MARCHF7: variants seen among roughly 807,000 people sequenced by gnomAD.
MARCHF7 encodes membrane associated ring-CH-type finger 7, also known as E3 ubiquitin-protein ligase MARCHF7.
Under a neutral mutation model 76.5 loss-of-function variants are expected in MARCHF7, and 20 were observed. That is an observed-to-expected ratio of 0.26 (90% confidence interval 0.18 to 0.38). MARCHF7 has a LOEUF of 0.38. Among genes scored for constraint, MARCHF7 ranks in the 10% least tolerant of loss-of-function variants. MARCHF7 has a pLI of 1.00. For synonymous variants in MARCHF7, 295 were observed against 293.0 expected (o/e 1.01, Z -0.07); for missense variants, 797 against 812.9 (o/e 0.98, Z 0.24).
At chr2:159,718,513 A>G (rs771016849) in intron 3 of MARCHF7, among the ~76,000 whole-genome samples, 2 of 152,126 alleles carry the variant, frequency 1.3e-5, no homozygotes, top group Non-Finnish European at 2.9e-5. Flanking sequence ...TAATAATGGG[A>G]CACAGTGATC....
rs1274554392 is a variant in MARCHF7, at chr2:159,768,034, T to C, written c.*692T>C. 6.6e-6 allele frequency: 1 copy of C among 152,582 alleles called. No homozygotes were observed. Among genetic ancestry groups the C allele is most frequent in the Non-Finnish European group, 1.5e-5 (1 of 67,978 alleles). The allele number at this position is 152,582 out of a possible 1,614,324, so 9.5% of individuals were successfully genotyped here. On this transcript the variant is annotated 3_prime_UTR_variant, in exon 12 of 12. Coordinates refer to ENST00000409175, the MANE Select transcript of MARCHF7 (RefSeq NM_001282805.2). ...TTTGATAGGCTATAGTATGTAGATA[T>C]TCCTTTTAGGAATATTACAGCTGTA...
intron 4 of MARCHF7, chr2:159,734,036 C>T: frequency 2.2e-6 from 3 of 1,356,054 alleles, no homozygotes; most frequent in Non-Finnish European, 2.9e-6. Flanking sequence ...ATTTTTATCA[C>T]AATTTGAATG....
At chr2:159,734,698 A>G (rs966136098) in intron 4 of MARCHF7, among the ~76,000 whole-genome samples, 2 of 151,628 alleles carry the variant, frequency 1.3e-5, no homozygotes, top group African/African-American at 4.8e-5. Context: ...GAGACTGGAC[A>G]TGGTGGCTCA....
At chr2:159,717,833 G>A (rs368539582) in intron 3 of MARCHF7, among the ~76,000 whole-genome samples, 2 of 151,826 alleles carry the variant, frequency 1.3e-5, no homozygotes, top group African/African-American at 4.8e-5. Flanking sequence ...AATAAAAATG[G>A]CTATTTCTTT....
chr2:159,746,290 G>T (rs1476355424), intron 6 of MARCHF7, among the ~76,000 whole-genome samples: 1 of 152,178 alleles, frequency 6.6e-6, no homozygotes, highest in African/African-American at 2.4e-5. Flanking sequence ...TTCTACTTCT[G>T]AAATAACTGA....
intron 8 of MARCHF7, among the ~76,000 whole-genome samples, chr2:159,755,416 G>A (rs139236227): frequency 8.0e-4 from 122 of 152,228 alleles, no homozygotes; most frequent in African/African-American, 2.7e-3. Flanking sequence ...GAAGGGTAGA[G>A]AGCCAGGTGC....
In MARCHF7 at chr2:159,712,991, G is replaced by A. The variant is rs538400684; in HGVS notation, c.-143+385G>A. Among the ~76,000 whole-genome samples the A allele has an allele frequency of 1.5e-3, 236 of 152,260 alleles. 2 individuals carry two copies. Among genetic ancestry groups the A allele is most frequent in the Admixed American group, 2.0e-3 (31 of 15,302 alleles). On this transcript the variant is annotated intron_variant, in intron 1 of 11. Coordinates refer to ENST00000409175, the MANE Select transcript of MARCHF7 (RefSeq NM_001282805.2). ...CCTCCTCTTGGGCCGTGGGGCGGGG[G>A]GTCTTCGGAGCCCTGCGGGCCGCGG...
rs180898112 is a variant in MARCHF7 at position 159,731,493 on chromosome 2, G to A, written c.153+2318G>A. ...TTTCTGGCCTGGCATGGTGGCTCAC[G>A]CCTGTAGTCCCAGCACTTTGGGAGG... On this transcript the variant is annotated intron_variant, in intron 4 of 11. Transcript: ENST00000409175. Among the ~76,000 whole-genome samples, 17 of 152,206 alleles carry A rather than the reference G, an allele frequency of 1.1e-4. No homozygotes were observed. In the East Asian group the frequency reaches 2.9e-3, roughly 26 times the overall value.
intron 9 of MARCHF7, 82 bp from the exon 10 acceptor site, chr2:159,762,798 T>C (rs1219813908): frequency 1.4e-6 from 1 of 712,764 alleles, no homozygotes; most frequent in Non-Finnish European, 2.4e-6. Flanking sequence ...AGTTTATCAG[T>C]GTACTGTGAG....
intron 4 of MARCHF7, among the ~76,000 whole-genome samples, chr2:159,730,796 A>G (rs754017530): frequency 4.6e-5 from 7 of 152,190 alleles, no homozygotes; most frequent in Non-Finnish European, 1.0e-4. Context: ...GAGGAACACA[A>G]ATTTTGAAAC....
intron 4 of MARCHF7, chr2:159,733,714 A>G (rs1465040744): frequency 1.0e-6 from 1 of 985,204 alleles, no homozygotes; most frequent in African/African-American, 1.7e-5. Flanking sequence ...ATATGGGAAC[A>G]CCTTATATAG....
chr2:159,758,391 A>G (rs994621850), intron 8 of MARCHF7, among the ~76,000 whole-genome samples: 4 of 152,216 alleles, frequency 2.6e-5, no homozygotes, highest in African/African-American at 9.6e-5. Context: ...TTTTAAGTAT[A>G]CAGTTGGATC....
chr2:159,744,224 G>A (rs560696360), intron 5 of MARCHF7, among the ~76,000 whole-genome samples: 3 of 151,946 alleles, frequency 2.0e-5, no homozygotes, highest in Non-Finnish European at 4.4e-5. Flanking sequence ...TCCTGACCTC[G>A]TGATCCGCCC....
At chr2:159,764,212 T>TGTGTGTG (rs1413522143) in intron 10 of MARCHF7, among the ~76,000 whole-genome samples, 2 of 138,644 alleles carry the variant, frequency 1.4e-5, no homozygotes, top group African/African-American at 2.8e-5. Flanking sequence ...CTTGGGAGTT[T>TGTGTGTG]TGTGTGTGTG....
intron 3 of MARCHF7, among the ~76,000 whole-genome samples, chr2:159,721,706 C>T (rs1183963241): frequency 6.6e-6 from 1 of 152,186 alleles, no homozygotes. Flanking sequence ...CCTCCCCTTC[C>T]TCAGTCATAG....
chr2:159,724,715 G>A (rs1701975411), intron 3 of MARCHF7, among the ~76,000 whole-genome samples: 1 of 151,876 alleles, frequency 6.6e-6, no homozygotes, highest in African/African-American at 2.4e-5. Context: ...TAAGTTCTAG[G>A]GTACACGTGC....
chr2:159,713,555 G>T (rs1359388502), intron 1 of MARCHF7, among the ~76,000 whole-genome samples: 1 of 152,076 alleles, frequency 6.6e-6, no homozygotes, highest in Non-Finnish European at 1.5e-5. Context: ...CCACCTTTCT[G>T]TCCAGAACCA....
chr2:159,730,831 T>G (rs1217524596), intron 4 of MARCHF7, among the ~76,000 whole-genome samples: 1 of 151,578 alleles, frequency 6.6e-6, no homozygotes, highest in Non-Finnish European at 1.5e-5. Context: ...TAGAGAGGAG[T>G]CATGTTTCAT....
intron 4 of MARCHF7, among the ~76,000 whole-genome samples, chr2:159,730,637 C>T (rs1299248213): frequency 3.3e-5 from 5 of 152,048 alleles, no homozygotes. Flanking sequence ...GTTTATGATT[C>T]CTAGAGGTGT....
Sources: allele counts gnomAD v4.1 joint callset (sites outside exome capture counted in the v4.1 genomes callset), GRCh38; gene constraint gnomAD v4.1.1; transcripts MANE v1.5; gene names NCBI Gene and HGNC (gene_info 2026-07-23, HGNC 2026-07-21).